Variants in PCDHGA4 observed in about 807,000 individuals in gnomAD.
The protein encoded by PCDHGA4 is protocadherin gamma subfamily A, 4, also known as protocadherin gamma-A4.
Under a neutral mutation model 54.6 loss-of-function variants are expected in PCDHGA4, and 38 were observed. The ratio of observed to expected loss-of-function variants is 0.70; its 90% CI spans 0.54 to 0.91. The LOEUF (loss-of-function observed/expected upper bound fraction) is 0.91. Ranked by LOEUF, PCDHGA4 falls within the 40% of genes least tolerant of loss-of-function variation. The pLI, the probability that PCDHGA4 is intolerant of heterozygous loss-of-function variation, is 0.00. For synonymous variants in PCDHGA4, 511 were observed against 512.9 expected (o/e 1.00, Z 0.05); for missense variants, 1,298 against 1,220.9 (o/e 1.06, Z -0.94).
intron 1 of PCDHGA4, chr5:141,372,478 C>T (rs548499010): frequency 6.2e-7 from 1 of 1,614,068 alleles, no homozygotes; most frequent in South Asian, 1.1e-5. Context: ...CTAGTAGTGG[C>T]GTTGGCCTTG....
At chr5:141,469,373 G>A (rs532041259) in intron 1 of PCDHGA4, among the ~76,000 whole-genome samples, 3 of 151,992 alleles carry the variant, frequency 2.0e-5, no homozygotes, top group South Asian at 2.1e-4. Context: ...TAAAGAGATC[G>A]AGACCATCCT....
chr5:141,420,934 C>A (rs2096533899), intron 1 of PCDHGA4: 2 of 377,936 alleles, frequency 5.3e-6, no homozygotes, highest in South Asian at 5.3e-5. Flanking sequence ...TGAGCGTAAT[C>A]ATTTCTTCTG....
intron 1 of PCDHGA4, chr5:141,383,969 C>G (rs981868963): frequency 6.2e-7 from 1 of 1,613,732 alleles, no homozygotes; most frequent in Non-Finnish European, 8.5e-7. Context: ...AGCTCAATCC[C>G]TGAAGACACA....
chr5:141,399,106 T>C, intron 1 of PCDHGA4: 2 of 1,613,784 alleles, frequency 1.2e-6, no homozygotes, highest in Non-Finnish European at 1.7e-6. Context: ...GGTTGCACAA[T>C]GTACAGTTGA....
intron 1 of PCDHGA4, chr5:141,418,639 C>T (rs2096276711): frequency 6.2e-7 from 1 of 1,614,014 alleles, no homozygotes; most frequent in Non-Finnish European, 8.5e-7. Flanking sequence ...CAGGCACCTC[C>T]ATCCTGAGAG....
intron 1 of PCDHGA4, chr5:141,419,487 G>T: frequency 6.2e-7 from 1 of 1,612,378 alleles, no homozygotes. Context: ...CCCGCGCTCA[G>T]CGCCAATGTG....
intron 1 of PCDHGA4, among the ~76,000 whole-genome samples, chr5:141,439,380 G>C (rs1324859898): frequency 6.6e-6 from 1 of 152,158 alleles, no homozygotes; most frequent in East Asian, 1.9e-4. Flanking sequence ...ATAAAAATAA[G>C]TCATCACTTC....
chr5:141,399,260 T>A (rs2093776436), intron 1 of PCDHGA4: 1 of 1,613,614 alleles, frequency 6.2e-7, no homozygotes, highest in South Asian at 1.1e-5. Context: ...AATGGGGAGG[T>A]TAATTGTCAA....
chr5:141,418,969 A>C, intron 1 of PCDHGA4: 1 of 1,614,028 alleles, frequency 6.2e-7, no homozygotes, highest in Non-Finnish European at 8.5e-7. Flanking sequence ...CCCTCTTCAA[A>C]ACACGGGACC....
rs764055095 is a variant in PCDHGA4, at chr5:141,385,083, A to G, written c.2514+27462A>G. ...ACAAGTCACGCCTGCTGCAGGCTTC[A>G]GAAGGTGGCTTGGCGAACGTGCCCA... On this transcript the variant is annotated intron_variant, in intron 1 of 3. Coordinates refer to ENST00000571252, the MANE Select transcript of PCDHGA4 (RefSeq NM_018917.4). 18 of 1,614,084 alleles carry G rather than the reference A, an allele frequency of 1.1e-5. No homozygotes were observed. The Admixed American group carries it at 3.0e-4, about 27-fold the overall frequency.
At position 141,357,153 on chromosome 5, in the gene PCDHGA4, GC is replaced by G; in HGVS notation, c.2051del (p.Pro684LeufsTer60). 12 of 1,613,624 alleles carry G rather than the reference GC, an allele frequency of 7.4e-6. No individual in the cohort carries two copies. Among genetic ancestry groups the G allele is most frequent in the Non-Finnish European group, 1.0e-5 (12 of 1,179,870 alleles). The stretch of plus-strand genomic sequence containing the variant: ...TAGTGGTCGTCCAGGACCATGGCCA[GC>G]CCCCTCTCTCGGCCACCGTCACACT... ...LVVVVQDHGQ[P>X]PLSATVTLTV... is the part of the protein sequence containing the mutation. On this transcript the variant is annotated frameshift_variant, in exon 1 of 4. Coordinates refer to ENST00000571252, the MANE Select transcript of PCDHGA4 (RefSeq NM_018917.4). LOFTEE classifies it high-confidence loss of function.
chr5:141,478,692 A>C (rs1459911657), intron 1 of PCDHGA4: 2 of 1,550,666 alleles, frequency 1.3e-6, no homozygotes, highest in African/African-American at 2.7e-5. Context: ...CCTAGATCAA[A>C]GTTAGTGCCT....
rs2097423534 is a variant in PCDHGA4 at position 141,431,850 on chromosome 5, C to A, written c.2515-62957C>A. 6.2e-7 allele frequency: 1 copy of A among 1,614,234 alleles called. No individual in the cohort carries two copies. ...GTTCCCGAAAACTCTCCCAGAGGGA[C>A]ATTAATTGCCCTTTTAAATGTAAAT... On this transcript the variant is annotated intron_variant, in intron 1 of 3. Coordinates refer to ENST00000571252, the MANE Select transcript of PCDHGA4 (RefSeq NM_018917.4). This position sits in a 1 kb window ranked among gnomAD's most constrained non-coding sequence, Gnocchi z 4.8.
At position 141,477,210 on chromosome 5, in the gene PCDHGA4, C is replaced by A. The variant is rs780852225; in HGVS notation, c.2515-17597C>A. On this transcript the variant is annotated intron_variant, in intron 1 of 3. Transcript: ENST00000571252. This position sits in a 1 kb window ranked among gnomAD's most constrained non-coding sequence, Gnocchi z 4.9. ...GTGTACAGCCCAGTACCCGAGGATG[C>A]CCCTCTGGGGACTGTCATCGCTTTG... The A allele has an allele frequency of 6.2e-7, 1 of 1,614,142 alleles. No homozygotes were observed. The highest frequency in any genetic ancestry group is 8.5e-7 in the Non-Finnish European group (1 of 1,180,030).
chr5:141,432,266 T>G lies in PCDHGA4; in HGVS notation c.2515-62541T>G. ...CACCATCCAAGGGGCAAGCCTATCG[T>G]CCTACGTGTCCATCAACTCCGACAC... On this transcript the variant is annotated intron_variant, in intron 1 of 3. Transcript: ENST00000571252. This position sits in a 1 kb window ranked among gnomAD's most constrained non-coding sequence, Gnocchi z 6.0. The G allele has an allele frequency of 6.2e-7, 1 of 1,614,214 alleles. No individual in the cohort carries two copies. Among genetic ancestry groups the G allele is most frequent in the East Asian group, 2.2e-5 (1 of 44,880 alleles).
At position 141,511,313 on chromosome 5, in the gene PCDHGA4, CAGAA is replaced by C; in HGVS notation, c.*142_*145del. The C allele has an allele frequency of 2.0e-6, 3 of 1,482,944 alleles. No homozygotes were observed. In the South Asian group the frequency reaches 4.1e-5, roughly 20 times the overall value. 91.9% of individuals were successfully genotyped at this position (1,482,944 alleles called of 1,614,324 possible). ...CCAAGGCCATGCTCCCCTTGGGAAA[CAGAA>C]ACAAGTGCCCAGTCAGCACCTACCC... On this transcript the variant is annotated 3_prime_UTR_variant, in exon 4 of 4. Transcript: ENST00000571252.
In PCDHGA4 at chr5:141,366,140, C is replaced by T. The variant is rs564608784; in HGVS notation, c.2514+8519C>T. 1.8e-5 allele frequency: 29 copies of T among 1,614,182 alleles called. No homozygotes were observed. The East Asian group carries it at 5.6e-4, about 31-fold the overall frequency. ...CAAAGATTCAGGCCAGAACGCCTGG[C>T]TGTCCTACCGCCTGCTTAAGGCCAG... On this transcript the variant is annotated intron_variant, in intron 1 of 3. Coordinates refer to ENST00000571252, the MANE Select transcript of PCDHGA4 (RefSeq NM_018917.4).
Position 141,355,582 on chromosome 5 carries a change from G to A in PCDHGA4, c.475G>A (p.Asp159Asn). Residue 159 changes from aspartate to asparagine, a missense_variant, in exon 1 of 4, where the codon GAT (aspartate) becomes AAT (asparagine). Asp to Asn is a conservative substitution (Grantham distance 23). Transcript: ENST00000571252. ...AGAGGTGGAAATAATCGATGTTAAT[G>A]ATAACCCACCCAGTTTTGGGACAGA... is the stretch of plus-strand genomic sequence containing the variant. The part of the protein sequence containing the change: ...RVEVEIIDVN[D>N]NPPSFGTEQR... The A allele has an allele frequency of 6.2e-7, 1 of 1,613,982 alleles. No homozygotes were observed. The highest frequency in any genetic ancestry group is 2.2e-5 in the East Asian group (1 of 44,876).
intron 1 of PCDHGA4, chr5:141,364,536 G>A (rs759992552): frequency 6.2e-7 from 1 of 1,614,006 alleles, no homozygotes; most frequent in Non-Finnish European, 8.5e-7. Context: ...ATCGTCTCCA[G>A]AGGTAGGACG....
Sources: gnomAD v4.1 joint callset for allele counts (sites outside exome capture counted in the v4.1 genomes callset) on GRCh38, gnomAD v4.1.1 for gene constraint, Gnocchi (gnomAD v3.1) non-coding constraint, MANE v1.5 for transcripts, NCBI Gene and HGNC (gene_info 2026-07-23, HGNC 2026-07-21) for gene names.